The following TTC34 variants were observed in gnomAD, a reference collection of about 807,000 sequenced individuals.
TTC34 encodes tetratricopeptide repeat protein 34.
Under a neutral mutation model 40.7 loss-of-function variants are expected in TTC34, and 44 were observed. The observed-to-expected ratio is 1.08, with a 90% CI of 0.85 to 1.39. TTC34 has a LOEUF of 1.39. Ranked by LOEUF, TTC34 falls within the 40% of genes most tolerant of loss-of-function variation. TTC34 has a pLI of 0.00. For synonymous variants in TTC34, 422 were observed against 398.6 expected, an observed-to-expected ratio of 1.06 and a Z score of -0.70; for missense variants, 884 against 838.0, an observed-to-expected ratio of 1.05 and a Z score of -0.68.
chr1:2,695,834 AC>A (rs1640838291), intron 6 of TTC34, among the ~76,000 whole-genome samples: 1 of 151,250 alleles, frequency 6.6e-6, no homozygotes, highest in Non-Finnish European at 1.5e-5. Context: ...CAGCATCCAC[AC>A]CCCCAGGTGA....
intron 6 of TTC34, among the ~76,000 whole-genome samples, chr1:2,675,537 G>A (rs375816996): frequency 7.0e-4 from 22 of 31,596 alleles, no homozygotes; most frequent in Non-Finnish European, 8.8e-4. Context: ...AGGTGCGCAC[G>A]TGACAGCCTG....
At chr1:2,791,376 T>G (rs1485543552) in intron 2 of TTC34, among the ~76,000 whole-genome samples, 1 of 152,230 alleles carries the variant, frequency 6.6e-6, no homozygotes, top group Non-Finnish European at 1.5e-5. Flanking sequence ...TCTGCTTCAG[T>G]GCTTTTTGCA....
intron 6 of TTC34, among the ~76,000 whole-genome samples, chr1:2,751,492 G>C (rs1312856396): frequency 7.6e-5 from 4 of 52,320 alleles, no homozygotes; most frequent in African/African-American, 3.7e-4. Context: ...CCCATGCCCA[G>C]GTGAGCCTCT....
intron 6 of TTC34, among the ~76,000 whole-genome samples, chr1:2,751,599 C>T (rs1332266300): frequency 4.0e-5 from 3 of 74,134 alleles, no homozygotes; most frequent in Non-Finnish European, 7.8e-5. Context: ...CCTGCAACAG[C>T]ACCCACACCC....
At chr1:2,758,691 CTGA>C (rs1641591921) in intron 6 of TTC34, among the ~76,000 whole-genome samples, 2 of 58,606 alleles carry the variant, frequency 3.4e-5, no homozygotes, top group Non-Finnish European at 6.0e-5. Context: ...AGGTGAGCAT[CTGA>C]CAGCCTGGAA....
At chr1:2,690,454 C>CCTG (rs1640566205) in intron 6 of TTC34, among the ~76,000 whole-genome samples, 1 of 142,382 alleles carries the variant, frequency 7.0e-6, no homozygotes, top group African/African-American at 2.5e-5. Context: ...GGAACAGCAC[C>CCTG]CACAACCACA....
chr1:2,652,441 A>C (rs1639175172), intron 6 of TTC34, among the ~76,000 whole-genome samples: 2 of 151,952 alleles, frequency 1.3e-5, no homozygotes, highest in Admixed American at 6.6e-5. Context: ...AACAGCACCC[A>C]CACCCCCAGG....
At chr1:2,684,435 A>ACCCC (rs1640224799) in intron 6 of TTC34, among the ~76,000 whole-genome samples, 2 of 140,268 alleles carry the variant, frequency 1.4e-5, no homozygotes, top group African/African-American at 2.7e-5. Flanking sequence ...ACCACCCTGC[A>ACCCC]CCCCCAGGTG....
intron 6 of TTC34, among the ~76,000 whole-genome samples, chr1:2,694,495 G>GTGCGGC (rs1640770884): frequency 8.5e-6 from 1 of 117,074 alleles, no homozygotes; most frequent in East Asian, 2.5e-4. Flanking sequence ...CGACAGCCTG[G>GTGCGGC]AGCAGGACCC....
chr1:2,683,970 G>C (rs1236450087), intron 6 of TTC34, among the ~76,000 whole-genome samples: 2 of 3,376 alleles, frequency 5.9e-4, no homozygotes, highest in East Asian at 0.071. Context: ...TTGAGCATCT[G>C]ACAGCCTGGA....
intron 6 of TTC34, among the ~76,000 whole-genome samples, chr1:2,675,085 A>G (rs1639850375): frequency 8.0e-6 from 1 of 125,700 alleles, no homozygotes; most frequent in African/African-American, 2.9e-5. Flanking sequence ...CCACACACCC[A>G]GGCGAGCATC....
intron 6 of TTC34, among the ~76,000 whole-genome samples, chr1:2,699,031 G>A (rs1026879074): frequency 1.4e-5 from 2 of 140,382 alleles, no homozygotes; most frequent in African/African-American, 5.1e-5. Flanking sequence ...GCATCTGATG[G>A]TCTGGAGAAG....
rs1293647488 is a variant in TTC34 at position 2,775,709 on chromosome 1, A to G, written c.2226+7900T>C. The stretch of plus-strand genomic sequence containing the variant: ...TTGCCAGCCAGGAACGGCAACCCAC[A>G]TCCCCAGGTAAGTGTCTGACAGCCT... On this transcript the variant is annotated intron_variant, in intron 6 of 8. Coordinates refer to ENST00000401095, the Ensembl canonical transcript of TTC34. 1.0e-4 allele frequency: 15 copies of G among 147,352 alleles called. 2 individuals carry two copies. Among genetic ancestry groups the G allele is most frequent in the African/African-American group, 4.0e-4 (15 of 37,300 alleles). 9.1% of individuals were successfully genotyped at this position (147,352 alleles called of 1,614,324 possible).
intron 4 of TTC34, 81 bp from the exon 5 acceptor site, chr1:2,786,104 CCCCCA>C: frequency 7.9e-7 from 1 of 1,258,496 alleles, no homozygotes; most frequent in Non-Finnish European, 1.0e-6. Flanking sequence ...CCCTGGCCAT[CCCCCA>C]CCCCACCCTC....
At chr1:2,639,271 G>A (rs1013152991) in exon 9 of TTC34, 7 of 152,400 alleles carry the variant, frequency 4.6e-5, no homozygotes, top group Non-Finnish European at 1.0e-4. Context: ...GCCCCCTGGT[G>A]GGGGAGAAAC....
intron 6 of TTC34, among the ~76,000 whole-genome samples, chr1:2,673,448 A>T (rs1639775327): frequency 1.2e-5 from 1 of 80,726 alleles, no homozygotes; most frequent in Admixed American, 1.1e-4. Flanking sequence ...ACAGGTGAGC[A>T]TCTGACAGCC....
intron 2 of TTC34, among the ~76,000 whole-genome samples, chr1:2,797,001 T>A (rs550543174): frequency 3.9e-5 from 6 of 152,094 alleles, no homozygotes; most frequent in African/African-American, 4.8e-5. Flanking sequence ...GCAAACCCCC[T>A]TCTCTTCTGG....
At chr1:2,778,517 G>A (rs1643393100) in intron 6 of TTC34, among the ~76,000 whole-genome samples, 2 of 152,206 alleles carry the variant, frequency 1.3e-5, no homozygotes, top group African/African-American at 4.8e-5. Context: ...AGATCACAGG[G>A]GATGTCCCTT....
At chr1:2,801,314 C>A (rs1382870979) in intron 1 of TTC34, among the ~76,000 whole-genome samples, 1 of 152,046 alleles carries the variant, frequency 6.6e-6, no homozygotes, top group African/African-American at 2.4e-5. Context: ...CAGGACCACA[C>A]CCCTGCCCAC....
Sources: allele counts gnomAD v4.1 joint callset (sites outside exome capture counted in the v4.1 genomes callset), GRCh38; gene constraint gnomAD v4.1.1; transcripts MANE v1.5; gene names NCBI Gene and HGNC (gene_info 2026-07-23, HGNC 2026-07-21).